The following CHD9 variants were observed in gnomAD, a reference collection of about 807,000 sequenced individuals.
The protein encoded by CHD9 is chromodomain helicase DNA binding protein 9.
CHD9 carries 77 observed loss-of-function variants against 316.1 expected under a neutral mutation model. The observed-to-expected ratio is 0.24, with a 90% CI of 0.20 to 0.29. CHD9 has a LOEUF of 0.29. CHD9 is among the 10% of genes least tolerant of loss of function. CHD9 has a pLI of 1.00. For synonymous variants in CHD9, 1,129 were observed against 1,158.3 expected, an observed-to-expected ratio of 0.97 and a Z score of 0.51; for missense variants, 2,763 against 3,438.1, an observed-to-expected ratio of 0.80 and a Z score of 4.91.
At position 53,315,012 on chromosome 16, in the gene CHD9, G is replaced by C. The variant is rs746413154; in HGVS notation, c.7552G>C (p.Gly2518Arg). The part of the protein sequence containing the change: ...DLEKWLKEHP[G>R]YVEDLGAFIP... ...GGAAAAATGGCTTAAGGAGCACCCG[G>C]GTTATGTGGAAGATTTGGGAGCTTT... is the stretch of plus-strand genomic sequence containing the variant. Residue 2518 changes from glycine (G) to arginine (R), a missense_variant, in exon 36 of 39, where the codon GGT becomes CGT. Coordinates refer to ENST00000447540, the MANE Select transcript of CHD9 (RefSeq NM_001308319.2). The C allele has an allele frequency of 6.2e-7, 1 of 1,613,690 alleles. No homozygotes were observed. Among genetic ancestry groups the C allele is most frequent in the South Asian group, 1.1e-5 (1 of 91,048 alleles).
chr16:53,211,175 G>A (rs1156419830), intron 3 of CHD9, among the ~76,000 whole-genome samples: 2 of 152,048 alleles, frequency 1.3e-5, no homozygotes, highest in Non-Finnish European at 2.9e-5. Flanking sequence ...GAGGAAATTG[G>A]TTGATAAACT....
At chr16:53,260,237 G>A (rs945839821) in intron 19 of CHD9, among the ~76,000 whole-genome samples, 1 of 152,154 alleles carries the variant, frequency 6.6e-6, no homozygotes, top group South Asian at 2.1e-4. Context: ...CTAACACTTC[G>A]GGAGGCCAAG....
chr16:53,321,233 G>T (rs2057254860), intron 37 of CHD9: 1 of 1,331,622 alleles, frequency 7.5e-7, no homozygotes. Context: ...TCTAACTCTA[G>T]AGGGTGTACT....
At chr16:53,093,923 C>T (rs2036163200) in intron 1 of CHD9, among the ~76,000 whole-genome samples, 1 of 152,108 alleles carries the variant, frequency 6.6e-6, no homozygotes, top group African/African-American at 2.4e-5. Flanking sequence ...GGCTTTGGTT[C>T]GATTGCGAGT....
chr16:53,262,944 C>CTTTGATAGATTTTTCCTCTAAAACT (rs1159908824), intron 19 of CHD9, 43 bp from the exon 20 acceptor site: 2 of 1,438,688 alleles, frequency 1.4e-6, no homozygotes, highest in African/African-American at 2.8e-5. Flanking sequence ...TTTAAGTGTA[C>CTTTGATAGATTTTTCCTCTAAAACT]TTTGATAGAT....
At chr16:53,274,612 C>T (rs556873850) in intron 24 of CHD9, among the ~76,000 whole-genome samples, 24 of 152,184 alleles carry the variant, frequency 1.6e-4, no homozygotes, top group African/African-American at 5.5e-4. Flanking sequence ...TGCGTCACCA[C>T]GCCCGGCTAA....
intron 3 of CHD9, among the ~76,000 whole-genome samples, chr16:53,219,988 T>C (rs1294459572): frequency 2.0e-5 from 3 of 152,104 alleles, no homozygotes; most frequent in African/African-American, 7.2e-5. Flanking sequence ...CTTGAGAACT[T>C]TGGATACAAA....
intron 32 of CHD9, among the ~76,000 whole-genome samples, chr16:53,306,603 G>T (rs1482811328): frequency 6.6e-6 from 1 of 152,150 alleles, no homozygotes; most frequent in Non-Finnish European, 1.5e-5. Flanking sequence ...ACTTTAGAAT[G>T]TTTAGAATAA....
At chr16:53,254,297 C>T (rs535404882) in intron 17 of CHD9, 141 bp from the exon 18 acceptor site, 1 of 491,086 alleles carries the variant, frequency 2.0e-6, no homozygotes, top group African/African-American at 2.0e-5. Flanking sequence ...TAAGCTCTCC[C>T]TTAATTTCTA....
intron 3 of CHD9, among the ~76,000 whole-genome samples, chr16:53,219,490 A>C (rs1438801482): frequency 6.6e-6 from 1 of 152,210 alleles, no homozygotes; most frequent in Non-Finnish European, 1.5e-5. Context: ...ATCCTACGGA[A>C]AACTAACATT....
In CHD9 at chr16:53,215,572, A is replaced by C. The variant is rs551739888; in HGVS notation, c.1784+5759A>C. Among the ~76,000 whole-genome samples the C allele has an allele frequency of 1.4e-4, 22 of 152,304 alleles. No individual in the cohort carries two copies. In the South Asian group the frequency reaches 4.6e-3, roughly 32 times the overall value. ...TTTGAGTTTATATTTGAGGACTTAAAAATAGGCTCAGTACCTTTCACTGAG... is the reference window on the plus strand; with the variant it reads ...TTTGAGTTTATATTTGAGGACTTAACAATAGGCTCAGTACCTTTCACTGAG... On this transcript the variant is annotated intron_variant, in intron 3 of 38. Coordinates refer to ENST00000447540, the MANE Select transcript of CHD9 (RefSeq NM_001308319.2).
Position 53,252,871 on chromosome 16 carries a change from T to G in CHD9, c.3862-1567T>G, listed in dbSNP as rs1300873607. Among the ~76,000 whole-genome samples, 4 of 152,078 alleles carry G rather than the reference T, an allele frequency of 2.6e-5. No homozygotes were observed. In the East Asian group the frequency reaches 5.8e-4, roughly 22 times the overall value. Reference sequence around the variant, plus strand: ...AAATACCACTTTACTCCTGCAAGAATGGCCATAATCAAAAAATCGAAAAAC... The same window carrying G: ...AAATACCACTTTACTCCTGCAAGAAGGGCCATAATCAAAAAATCGAAAAAC... On this transcript the variant is annotated intron_variant, in intron 17 of 38. Transcript: ENST00000447540.
chr16:53,077,305 A>G (rs1317322398), intron 1 of CHD9, among the ~76,000 whole-genome samples: 1 of 148,708 alleles, frequency 6.7e-6, no homozygotes, highest in Non-Finnish European at 1.5e-5. Context: ...TTTTTAATAT[A>G]TAAAATTTTA....
chr16:53,254,433 T>C lies in CHD9; in HGVS notation c.3862-5T>C. ...AATTAAATATGTAACTTTTCATTTT[T>C]ATAGGCCCAAGCTCGTTGCCACAGA... On this transcript the variant is annotated splice_polypyrimidine_tract_variant and splice_region_variant and intron_variant, in intron 17 of 38. Transcript: ENST00000447540. The C allele has an allele frequency of 6.5e-7, 1 of 1,541,366 alleles. No homozygotes were observed.
At chr16:53,100,490 T>C (rs1373295803) in intron 1 of CHD9, among the ~76,000 whole-genome samples, 1 of 140,476 alleles carries the variant, frequency 7.1e-6, no homozygotes. Context: ...AGGGTCTTGC[T>C]CTGTTGCCCA....
At chr16:53,066,290 C>A (rs1444776364) in intron 1 of CHD9, among the ~76,000 whole-genome samples, 4 of 152,152 alleles carry the variant, frequency 2.6e-5, no homozygotes, top group African/African-American at 7.2e-5. Context: ...AGGAAAGCAG[C>A]AAGTCAGCAG....
intron 1 of CHD9, among the ~76,000 whole-genome samples, chr16:53,105,161 T>TA (rs1436018270): frequency 6.6e-6 from 1 of 152,110 alleles, no homozygotes; most frequent in Non-Finnish European, 1.5e-5. Flanking sequence ...ATATTAAGTT[T>TA]ATTTATTTCA....
At chr16:53,261,324 G>A (rs902932271) in intron 19 of CHD9, among the ~76,000 whole-genome samples, 8 of 140,418 alleles carry the variant, frequency 5.7e-5, no homozygotes, top group African/African-American at 2.1e-4. Context: ...AGTTCAGCAA[G>A]AAGCATTTAG....
In CHD9 at chr16:53,157,221, G is replaced by T; in HGVS notation, c.1132G>T (p.Val378Leu). ...TCAAATGGGCCATTTCAATGATCATGTAGAAACTAATGGCTTTTCATCTTT... is the reference window on the plus strand; with the variant it reads ...TCAAATGGGCCATTTCAATGATCATTTAGAAACTAATGGCTTTTCATCTTT... ...GTQMGHFNDH[V>L]ETNGFSSLEE... The change falls in exon 2 of 39, where the codon GTA becomes TTA. Residue 378 changes from valine to leucine, a missense_variant. Coordinates refer to ENST00000447540, the MANE Select transcript of CHD9 (RefSeq NM_001308319.2). 6.2e-7 allele frequency: 1 copy of T among 1,602,318 alleles called. No individual in the cohort carries two copies. The highest frequency in any genetic ancestry group is 8.5e-7 in the Non-Finnish European group (1 of 1,173,614).
Sources: allele counts gnomAD v4.1 joint callset (sites outside exome capture counted in the v4.1 genomes callset), GRCh38; gene constraint gnomAD v4.1.1; transcripts MANE v1.5; gene names NCBI Gene and HGNC (gene_info 2026-07-23, HGNC 2026-07-21).